Variants in RPS6KC1 observed in about 807,000 individuals in gnomAD.
The protein encoded by RPS6KC1 is inactive ribosomal protein S6 kinase delta-1.
Under a neutral mutation model 103.8 loss-of-function variants are expected in RPS6KC1, and 54 were observed. The observed-to-expected ratio is 0.52, with a 90% CI of 0.42 to 0.65. RPS6KC1 has a LOEUF of 0.65. Ranked by LOEUF, RPS6KC1 falls within the 30% of genes least tolerant of loss-of-function variation. The pLI is 0.00. For missense variants in RPS6KC1, 1,151 were observed against 1,253.8 expected (o/e 0.92, Z 1.24); for synonymous variants, 439 against 438.7 (o/e 1.00, Z -0.01).
At chr1:213,205,128 T>C (rs1384210811) in intron 8 of RPS6KC1, 1 of 317,412 alleles carries the variant, frequency 3.2e-6, no homozygotes, top group Non-Finnish European at 4.6e-6. Flanking sequence ...AATTGTGTTG[T>C]ATACCTTGCT....
the RPS6KC1 span, among the ~76,000 whole-genome samples, chr1:213,629,040 TAAG>T: frequency 6.6e-6 from 1 of 152,350 alleles, no homozygotes; most frequent in East Asian, 1.9e-4. Flanking sequence ...GGTGTAGTGC[TAAG>T]AAGAATGTAG....
the RPS6KC1 span, among the ~76,000 whole-genome samples, chr1:213,745,256 G>A: frequency 6.6e-6 from 1 of 151,002 alleles, no homozygotes; most frequent in East Asian, 2.0e-4. Flanking sequence ...TATGTGTGTA[G>A]AAGGGATGGG....
intron 5 of RPS6KC1, among the ~76,000 whole-genome samples, chr1:213,122,205 A>G (rs2084467627): frequency 6.6e-6 from 1 of 152,118 alleles, no homozygotes. Context: ...ACATGCAATA[A>G]GCTGATCACT....
chr1:213,572,378 T>C, the RPS6KC1 span, among the ~76,000 whole-genome samples: 2 of 152,204 alleles, frequency 1.3e-5, no homozygotes, highest in Non-Finnish European at 2.9e-5. Flanking sequence ...TAGACACACA[T>C]AGACATTCTC....
chr1:213,602,114 T>TCTC, the RPS6KC1 span, among the ~76,000 whole-genome samples: 11 of 38,000 alleles, frequency 2.9e-4, 2 homozygotes, highest in African/African-American at 1.3e-3. Context: ...CTTTCTTTCT[T>TCTC]TCTTTCTCTT....
At chr1:213,813,407 G>T in the RPS6KC1 span, among the ~76,000 whole-genome samples, 1 of 151,446 alleles carries the variant, frequency 6.6e-6, no homozygotes, top group Admixed American at 6.6e-5. Context: ...ACAACCCCGG[G>T]CTTCATCCTT....
the RPS6KC1 span, among the ~76,000 whole-genome samples, chr1:213,667,302 G>T: frequency 1.3e-5 from 2 of 152,116 alleles, no homozygotes; most frequent in Non-Finnish European, 2.9e-5. Flanking sequence ...TTGCAAGCTT[G>T]GTTCCAGACC....
At chr1:213,761,763 G>C in the RPS6KC1 span, among the ~76,000 whole-genome samples, 5 of 152,160 alleles carry the variant, frequency 3.3e-5, no homozygotes, top group African/African-American at 1.2e-4. Context: ...CAGGTGGCAG[G>C]GATGAAGGCA....
chr1:213,130,363 A>C (rs569625137), intron 6 of RPS6KC1, among the ~76,000 whole-genome samples: 16 of 152,274 alleles, frequency 1.1e-4, no homozygotes, highest in Non-Finnish European at 1.6e-4. Context: ...AATGGAGGTG[A>C]TGTGGGACAT....
At chr1:213,552,281 A>G in the RPS6KC1 span, among the ~76,000 whole-genome samples, 1 of 152,260 alleles carries the variant, frequency 6.6e-6, no homozygotes, top group Non-Finnish European at 1.5e-5. Context: ...ACAAACAAAC[A>G]AAAACCACTG....
intron 3 of RPS6KC1, among the ~76,000 whole-genome samples, chr1:213,093,722 A>AGTCTAGTTT (rs1214436715): frequency 6.6e-6 from 1 of 152,062 alleles, no homozygotes; most frequent in Non-Finnish European, 1.5e-5. Flanking sequence ...TTAATATCTG[A>AGTCTAGTTT]GTCTAGTTTT....
chr1:213,308,722 T>C, the RPS6KC1 span, among the ~76,000 whole-genome samples: 1 of 152,164 alleles, frequency 6.6e-6, no homozygotes, highest in Non-Finnish European at 1.5e-5. Context: ...ATAAAATCAG[T>C]CCCTACTCGA....
the RPS6KC1 span, among the ~76,000 whole-genome samples, chr1:213,408,244 T>C: frequency 6.6e-5 from 10 of 152,134 alleles, no homozygotes; most frequent in African/African-American, 2.4e-4. Context: ...CCAGGAAAAA[T>C]GGTGCTCTTG....
At chr1:213,211,265 C>A (rs190783661) in intron 8 of RPS6KC1, among the ~76,000 whole-genome samples, 37 of 152,340 alleles carry the variant, frequency 2.4e-4, no homozygotes, top group Admixed American at 1.9e-3. Flanking sequence ...ATGAGCCGAA[C>A]TTGGGCCTAT....
At chr1:213,276,250 G>A (rs1053437469), downstream of RPS6KC1, among the ~76,000 whole-genome samples, 3 of 152,166 alleles carry the variant, frequency 2.0e-5, no homozygotes, top group Non-Finnish European at 4.4e-5. Context: ...GCTCCTCAGA[G>A]CATATTTATC....
At chr1:213,728,727 G>A in the RPS6KC1 span, among the ~76,000 whole-genome samples, 2 of 152,078 alleles carry the variant, frequency 1.3e-5, no homozygotes, top group African/African-American at 4.8e-5. Context: ...AGTGGTGGGA[G>A]GAGGGGGGAT....
chr1:213,295,886 A>C, the RPS6KC1 span, among the ~76,000 whole-genome samples: 1 of 152,178 alleles, frequency 6.6e-6, no homozygotes, highest in Non-Finnish European at 1.5e-5. Context: ...GCCAATGTGC[A>C]ATTCATTGTG....
chr1:213,358,539 T>C, the RPS6KC1 span, among the ~76,000 whole-genome samples: 1 of 152,238 alleles, frequency 6.6e-6, no homozygotes, highest in Non-Finnish European at 1.5e-5. Flanking sequence ...TCTTTATTAG[T>C]CTTGCTAGCA....
At chr1:213,754,452 G>C in the RPS6KC1 span, among the ~76,000 whole-genome samples, 1 of 152,010 alleles carries the variant, frequency 6.6e-6, no homozygotes, top group Non-Finnish European at 1.5e-5. Context: ...TGGGGCCTGG[G>C]GGGAGGTGAC....
Sources: allele counts gnomAD v4.1 joint callset (sites outside exome capture counted in the v4.1 genomes callset), GRCh38; gene constraint gnomAD v4.1.1; transcripts MANE v1.5; gene names NCBI Gene and HGNC (gene_info 2026-07-23, HGNC 2026-07-21).